The following EPHA2 variants were observed in gnomAD, a reference collection of about 807,000 sequenced individuals.
EPHA2 encodes the protein EPH receptor A2, also known as ephrin type-A receptor 2.
Under a neutral mutation model 104.9 loss-of-function variants are expected in EPHA2, and 54 were observed. The observed-to-expected ratio is 0.51, with a 90% CI of 0.41 to 0.65. The LOEUF (loss-of-function observed/expected upper bound fraction) is 0.65. Among genes scored for constraint, EPHA2 ranks in the 30% least tolerant of loss-of-function variants. The pLI is 0.00. For missense variants in EPHA2, 1,117 were observed against 1,369.5 expected, an observed-to-expected ratio of 0.82 and a Z score of 2.91; for synonymous variants, 560 against 559.1, an observed-to-expected ratio of 1.00 and a Z score of -0.02.
At position 16,130,338 on chromosome 1, in the gene EPHA2, A is replaced by G. The variant is rs1437259118; in HGVS notation, c.2557T>C (p.Cys853Arg). Residue 853 changes from cysteine to arginine, a missense_variant, in exon 15 of 17, where the codon TGC becomes CGC. By Grantham distance (180) the Cys-to-Arg change is radical. Around this residue, in one of 3 missense-constraint regions of EPHA2, gnomAD observed 340 missense variants for 480.5 expected, o/e 0.71. Coordinates refer to ENST00000358432, the MANE Select transcript of EPHA2 (RefSeq NM_004431.5). This position sits in a 1 kb window ranked among gnomAD's most constrained non-coding sequence, Gnocchi z 4.5. ...PSAIYQLMMQ[C>R]WQQERARRPK... ...CGGCGGGCACGCTCCTGCTGCCAGC[A>G]CTGCATCATGAGCTGGTAGATGGCG... 1.3e-6 allele frequency: 2 copies of G among 1,598,938 alleles called. No homozygotes were observed. Among genetic ancestry groups the G allele is most frequent in the Non-Finnish European group, 1.7e-6 (2 of 1,169,102 alleles).
chr1:16,152,760 G>A (rs1374877448), intron 1 of EPHA2, among the ~76,000 whole-genome samples: 2 of 152,180 alleles, frequency 1.3e-5, no homozygotes, highest in Admixed American at 6.5e-5. Flanking sequence ...GGGTTAACCT[G>A]GCATGGAGGG....
At chr1:16,129,689 C>T (rs910918442) in intron 15 of EPHA2, 100 bp from the exon 16 acceptor site, 12 of 1,437,454 alleles carry the variant, frequency 8.3e-6, no homozygotes, top group South Asian at 8.1e-5. Flanking sequence ...TCGGCTGCCC[C>T]GTGCCTCCGT....
chr1:16,129,776 A>G (rs1487492881), intron 15 of EPHA2, among the ~76,000 whole-genome samples, 187 bp from the exon 16 acceptor site: 1 of 152,170 alleles, frequency 6.6e-6, no homozygotes, highest in Non-Finnish European at 1.5e-5. Flanking sequence ...AGCGCTCAGC[A>G]TCTGTAACTA....
chr1:16,129,421 G>C lies in EPHA2; in HGVS notation c.2825+13C>G. The C allele has an allele frequency of 6.2e-7, 1 of 1,612,038 alleles. No individual in the cohort carries two copies. Among genetic ancestry groups the C allele is most frequent in the Non-Finnish European group, 8.5e-7 (1 of 1,179,968 alleles). ...GCGGGAGGCGAGGGGGGACGGAAAG[G>C]GGCCTGACTTACTCGTTGGTCATCT... On this transcript the variant is annotated intron_variant, in intron 16 of 16. Coordinates refer to ENST00000358432, the MANE Select transcript of EPHA2 (RefSeq NM_004431.5).
intron 1 of EPHA2, among the ~76,000 whole-genome samples, chr1:16,153,972 A>AC (rs926207790): frequency 1.3e-5 from 2 of 151,450 alleles, no homozygotes; most frequent in African/African-American, 4.9e-5. Flanking sequence ...GCAAAAATGT[A>AC]CCCCCACCCC....
Position 16,129,478 on chromosome 1 carries a change from C to T in EPHA2, c.2781G>A (p.Ala927=), listed in dbSNP as rs753071959. The T allele has an allele frequency of 3.0e-5, 48 of 1,613,724 alleles. No individual in the cohort carries two copies. The highest frequency in any genetic ancestry group is 6.7e-5 in the Admixed American group (4 of 59,992). ...KMQQYTEHFM[A]AGYTAIEKVV... The stretch of plus-strand genomic sequence containing the variant: ...CCTTCTCGATGGCAGTGTAGCCGGC[C>T]GCCATGAAGTGCTCCGTATACTGCT... Residue 927 remains alanine (A), a synonymous_variant, in exon 16 of 17, where the codon GCG becomes GCA. Coordinates refer to ENST00000358432, the MANE Select transcript of EPHA2 (RefSeq NM_004431.5).
At position 16,137,842 on chromosome 1, in the gene EPHA2, C is replaced by T. The variant is rs760413072; in HGVS notation, c.1312+11G>A. ...GCCCCATAGGGCACAGCTGCCACCC[C>T]TGGACCTCACCTGTCTGGTTGATGC... is the stretch of plus-strand genomic sequence containing the variant. On this transcript the variant is annotated intron_variant, in intron 5 of 16. Coordinates refer to ENST00000358432, the MANE Select transcript of EPHA2 (RefSeq NM_004431.5). The T allele has an allele frequency of 4.3e-6, 7 of 1,613,474 alleles. No individual in the cohort carries two copies. Among genetic ancestry groups the T allele is most frequent in the Middle Eastern group, 1.7e-4 (1 of 6,058 alleles).
In EPHA2 at chr1:16,148,438, C is replaced by A; in HGVS notation, c.763G>T (p.Val255Leu). 1 of 1,613,846 alleles carries A rather than the reference C, an allele frequency of 6.2e-7. No homozygotes were observed. The highest frequency in any genetic ancestry group is 2.2e-5 in the East Asian group (1 of 44,882). Residue 255 changes from valine to leucine, a missense_variant, in exon 3 of 17, where the codon GTG becomes TTG. Around this residue, in one of 3 missense-constraint regions of EPHA2, gnomAD observed 664 missense variants for 784.8 expected, o/e 0.85. Transcript: ENST00000358432. This position sits in a 1 kb window ranked among gnomAD's most constrained non-coding sequence, Gnocchi z 4.9. ...MHCAVDGEWLVPIGQCLCQAG... is the reference protein window; with the variant it reads ...MHCAVDGEWLLPIGQCLCQAG... ...TGGCACAGGCACTGCCCAATGGGCACCAGCCACTCGCCATCCACTGCACAG... is the reference window on the plus strand; with the variant it reads ...TGGCACAGGCACTGCCCAATGGGCAACAGCCACTCGCCATCCACTGCACAG...
At chr1:16,151,181 T>C (rs553397645) in intron 1 of EPHA2, among the ~76,000 whole-genome samples, 1 of 152,294 alleles carries the variant, frequency 6.6e-6, no homozygotes, top group Non-Finnish European at 1.5e-5. Flanking sequence ...CACAGCAGGC[T>C]GGGGTCAGGA....
chr1:16,154,871 C>T (rs61769950), intron 1 of EPHA2, among the ~76,000 whole-genome samples: 23,393 of 151,908 alleles, frequency 0.15, 2,485 homozygotes, highest in East Asian at 0.46. Flanking sequence ...GGAGGGGAAG[C>T]CTTGCCCTCA....
chr1:16,153,018 G>C, intron 1 of EPHA2: 1 of 616,958 alleles, frequency 1.6e-6, no homozygotes, highest in Non-Finnish European at 2.0e-6. Flanking sequence ...TCTCTGGAAA[G>C]GGTGGGAGCC....
chr1:16,144,235 G>A (rs1414259585), intron 3 of EPHA2, among the ~76,000 whole-genome samples: 2 of 152,158 alleles, frequency 1.3e-5, no homozygotes, highest in Non-Finnish European at 2.9e-5. Context: ...GGGCAGACAG[G>A]GCACAGAGGT....
In EPHA2 at chr1:16,148,325, C is replaced by T; in HGVS notation, c.823+53G>A. 1 of 1,601,812 alleles carries T rather than the reference C, an allele frequency of 6.2e-7. No individual in the cohort carries two copies. Among genetic ancestry groups the T allele is most frequent in the Middle Eastern group, 1.7e-4 (1 of 6,054 alleles). On this transcript the variant is annotated intron_variant, in intron 3 of 16. Transcript: ENST00000358432. This position sits in a 1 kb window ranked among gnomAD's most constrained non-coding sequence, Gnocchi z 4.9. The stretch of plus-strand genomic sequence containing the variant: ...ATTCCATGATTCCAAAGCTAAAGAC[C>T]AGAACCTGGGAATGCAGAACCCCCT...
At position 16,135,783 on chromosome 1, in the gene EPHA2, G is replaced by C; in HGVS notation, c.1313-13C>G. 1 of 1,513,718 alleles carries C rather than the reference G, an allele frequency of 6.6e-7. No homozygotes were observed. Among genetic ancestry groups the C allele is most frequent in the Non-Finnish European group, 9.2e-7 (1 of 1,091,616 alleles). The allele number at this position is 1,513,718 out of a possible 1,614,324, so 93.8% of individuals were successfully genotyped here. On this transcript the variant is annotated splice_polypyrimidine_tract_variant and intron_variant, in intron 5 of 16. Coordinates refer to ENST00000358432, the MANE Select transcript of EPHA2 (RefSeq NM_004431.5). The surrounding 1 kb of genome is among the most constrained non-coding windows in gnomAD (Gnocchi z 4.3). Reference sequence around the variant, plus strand: ...ACCTTGGGGGGCTCTGGGCAGGACAGGCAGTGGGGGAAGTGGGTAAGAAGC... The same window carrying C: ...ACCTTGGGGGGCTCTGGGCAGGACACGCAGTGGGGGAAGTGGGTAAGAAGC...
intron 3 of EPHA2, among the ~76,000 whole-genome samples, chr1:16,140,847 C>T (rs2024811348): frequency 6.6e-6 from 1 of 152,132 alleles, no homozygotes; most frequent in Non-Finnish European, 1.5e-5. Flanking sequence ...GTGATCCACC[C>T]GTCTCGGCCT....
intron 5 of EPHA2, among the ~76,000 whole-genome samples, chr1:16,137,582 A>G (rs1366052473): frequency 1.2e-4 from 19 of 152,232 alleles, no homozygotes; most frequent in Non-Finnish European, 1.5e-5. Flanking sequence ...TGGGCAACAG[A>G]GCGAGACTCT....
intron 16 of EPHA2, among the ~76,000 whole-genome samples, chr1:16,127,558 A>C (rs2024492737): frequency 6.6e-6 from 1 of 152,130 alleles, no homozygotes; most frequent in Non-Finnish European, 1.5e-5. Context: ...TCCTGATCCC[A>C]TTGGGAAAGG....
At chr1:16,126,360 G>A (rs1391523918) in intron 16 of EPHA2, among the ~76,000 whole-genome samples, 1 of 152,182 alleles carries the variant, frequency 6.6e-6, no homozygotes, top group Non-Finnish European at 1.5e-5. Flanking sequence ...CCGACTTTTG[G>A]CTGTAAAGGG....
chr1:16,141,483 C>T (rs947638067), intron 3 of EPHA2, among the ~76,000 whole-genome samples: 2 of 152,248 alleles, frequency 1.3e-5, no homozygotes, highest in African/African-American at 4.8e-5. Context: ...GGTCAGTTCC[C>T]CCAAATGCCC....
Sources: gnomAD v4.1 joint callset for allele counts (sites outside exome capture counted in the v4.1 genomes callset) on GRCh38, gnomAD v4.1.1 for gene constraint, gnomAD v4.1.1 regional missense constraint, Gnocchi (gnomAD v3.1) non-coding constraint, MANE v1.5 for transcripts, NCBI Gene and HGNC (gene_info 2026-07-23, HGNC 2026-07-21) for gene names.